DLG2: variants seen among roughly 807,000 people sequenced by gnomAD.
DLG2 encodes disks large homolog 2.
In DLG2, 45 loss-of-function variants were observed where a neutral mutation model predicts 132.5. That is an observed-to-expected ratio of 0.34 (90% confidence interval 0.27 to 0.44). The LOEUF is 0.44. DLG2 is among the 20% of genes least tolerant of loss of function. DLG2 has a pLI of 1.00. For missense variants in DLG2, 1,045 were observed against 1,196.9 expected (o/e 0.87, Z 1.87); for synonymous variants, 424 against 419.6 (o/e 1.01, Z -0.13).
chr11:84,548,769 G>A (rs1425575480), intron 6 of DLG2, among the ~76,000 whole-genome samples: 1 of 151,956 alleles, frequency 6.6e-6, no homozygotes, highest in Non-Finnish European at 1.5e-5. Flanking sequence ...ATTCTTACAC[G>A]AGCCCATCTA....
At chr11:85,335,249 T>TG (rs1424768730) in intron 3 of DLG2, among the ~76,000 whole-genome samples, 1 of 151,824 alleles carries the variant, frequency 6.6e-6, no homozygotes, top group East Asian at 1.9e-4. Flanking sequence ...TGCTTTTTTT[T>TG]TTTGTTTTCT....
intron 9 of DLG2, among the ~76,000 whole-genome samples, chr11:84,109,097 A>T (rs2093172054): frequency 6.6e-6 from 1 of 152,148 alleles, no homozygotes; most frequent in Non-Finnish European, 1.5e-5. Flanking sequence ...AGAGAAAGAA[A>T]AAAAATACTT....
At chr11:83,847,772 T>C (rs2058907695) in intron 16 of DLG2, among the ~76,000 whole-genome samples, 1 of 152,194 alleles carries the variant, frequency 6.6e-6, no homozygotes, top group African/African-American at 2.4e-5. Flanking sequence ...TTCCACTTGA[T>C]GATTTAATAA....
chr11:85,270,519 G>A (rs985965142), intron 4 of DLG2, among the ~76,000 whole-genome samples: 16 of 152,230 alleles, frequency 1.1e-4, no homozygotes, highest in Admixed American at 9.8e-4. Context: ...AAATGAGGAA[G>A]TGACTTTGGA....
chr11:84,855,827 G>A (rs2082710654), intron 6 of DLG2, among the ~76,000 whole-genome samples: 1 of 151,960 alleles, frequency 6.6e-6, no homozygotes, highest in Non-Finnish European at 1.5e-5. Context: ...CAGCATCCAG[G>A]AGAGATTCTT....
chr11:84,893,210 G>A (rs2089684228), intron 6 of DLG2, among the ~76,000 whole-genome samples: 1 of 152,154 alleles, frequency 6.6e-6, no homozygotes, highest in Non-Finnish European at 1.5e-5. Context: ...CATCAGGTGA[G>A]GAGCTTGTAG....
intron 7 of DLG2, among the ~76,000 whole-genome samples, chr11:84,424,078 T>C (rs1219506603): frequency 1.3e-5 from 2 of 152,156 alleles, no homozygotes. Flanking sequence ...CCACAGATGA[T>C]GCTCTCTTGG....
chr11:85,081,719 A>G (rs545096566), intron 6 of DLG2, among the ~76,000 whole-genome samples: 10 of 152,290 alleles, frequency 6.6e-5, no homozygotes, highest in African/African-American at 2.4e-4. Flanking sequence ...AGTTGGAATT[A>G]CTGTGGCTGC....
chr11:84,121,592 C>T (rs11233908), intron 9 of DLG2, among the ~76,000 whole-genome samples: 106,219 of 118,106 alleles, frequency 0.9, 47,728 homozygotes, highest in Middle Eastern at 0.95. Context: ...GACGGAGTCT[C>T]GCTCTGTGGC....
At chr11:84,931,159 AT>A (rs933902404) in intron 6 of DLG2, among the ~76,000 whole-genome samples, 5 of 151,078 alleles carry the variant, frequency 3.3e-5, no homozygotes, top group Admixed American at 6.6e-5. Context: ...ACCTTTCAGT[AT>A]TTTTTTTTAA....
chr11:84,201,190 C>T (rs958433540), intron 8 of DLG2, among the ~76,000 whole-genome samples: 2 of 152,150 alleles, frequency 1.3e-5, no homozygotes, highest in Admixed American at 1.3e-4. Flanking sequence ...TTTTCCACCT[C>T]TATTGAGATA....
chr11:83,876,794 T>TTG (rs2064890525), intron 15 of DLG2, among the ~76,000 whole-genome samples: 1 of 152,162 alleles, frequency 6.6e-6, no homozygotes, highest in African/African-American at 2.4e-5. Flanking sequence ...TTTCACATAG[T>TTG]TGTATATATA....
intron 8 of DLG2, among the ~76,000 whole-genome samples, chr11:84,179,109 TA>T (rs1463689080): frequency 6.6e-6 from 1 of 151,964 alleles, no homozygotes; most frequent in African/African-American, 2.4e-5. Context: ...TTAAAAAAAT[TA>T]AAGTATGACA....
intron 6 of DLG2, among the ~76,000 whole-genome samples, chr11:84,714,623 T>TTCTCTCTCTCTCTCTCTCTCTCTC (rs1284319609): frequency 1.9e-5 from 2 of 105,044 alleles, no homozygotes; most frequent in African/African-American, 8.5e-5. Flanking sequence ...CTCTTTCTCT[T>TTCTCTCTCTCTCTCTCTCTCTCTC]TCTCTCTCTC....
At chr11:84,168,820 CACACAT>C (rs1330870683) in intron 8 of DLG2, among the ~76,000 whole-genome samples, 18 of 74,050 alleles carry the variant, frequency 2.4e-4, no homozygotes, top group African/African-American at 7.2e-4. Flanking sequence ...AACACACACA[CACACAT>C]ACACACACAC....
In DLG2 at chr11:85,550,644, G is replaced by GAAAT. The variant is rs556708558; in HGVS notation, c.40+48009_40+48012dup. Among the ~76,000 whole-genome samples the GAAAT allele has an allele frequency of 1.8e-4, 28 of 152,334 alleles. 1 individual carries two copies. The East Asian group carries it at 5.4e-3, about 29-fold the overall frequency. On this transcript the variant is annotated intron_variant, in intron 3 of 27. Transcript: ENST00000376104. ...TTGCAAGTCCCATGAAGGGGTCAGG[G>GAAAT]AAATATCTTGCTTCAAAGGCAGAAA...
intron 6 of DLG2, among the ~76,000 whole-genome samples, chr11:84,558,806 C>T (rs2099417172): frequency 6.6e-6 from 1 of 152,010 alleles, no homozygotes; most frequent in Non-Finnish European, 1.5e-5. Flanking sequence ...CTATTGATTC[C>T]TTATCTTCTT....
intron 6 of DLG2, among the ~76,000 whole-genome samples, chr11:85,092,968 A>T (rs956870646): frequency 1.3e-5 from 2 of 152,138 alleles, no homozygotes; most frequent in Non-Finnish European, 2.9e-5. Flanking sequence ...ATAGGCATGC[A>T]ATGTGAAATA....
intron 9 of DLG2, among the ~76,000 whole-genome samples, chr11:84,119,933 C>T (rs2093825291): frequency 6.6e-6 from 1 of 152,118 alleles, no homozygotes; most frequent in African/African-American, 2.4e-5. Flanking sequence ...TGTACTGGAA[C>T]ATTTATTTTC....
Sources: allele counts gnomAD v4.1 joint callset (sites outside exome capture counted in the v4.1 genomes callset), GRCh38; gene constraint gnomAD v4.1.1; transcripts MANE v1.5; gene names NCBI Gene and HGNC (gene_info 2026-07-23, HGNC 2026-07-21).